Variants in CLUL1 observed in about 807,000 individuals in gnomAD.
The protein encoded by CLUL1 is clusterin like 1, also known as clusterin-like protein 1.
CLUL1 carries 43 observed loss-of-function variants against 49.4 expected under a neutral mutation model. The observed-to-expected ratio is 0.87, with a 90% CI of 0.68 to 1.12. The LOEUF (loss-of-function observed/expected upper bound fraction) is 1.12. Among genes scored for constraint, CLUL1 ranks in the 50% most tolerant of loss-of-function variants. The probability of loss-of-function intolerance (pLI) is 0.00; values close to 1 mark genes in which losing one functional copy is unlikely to be tolerated. For missense variants in CLUL1, 486 were observed against 544.4 expected (o/e 0.89, Z 1.07); for synonymous variants, 192 against 184.9 (o/e 1.04, Z -0.31).
At chr18:648,882 T>C (rs1382358235) in intron 9 of CLUL1, among the ~76,000 whole-genome samples, 1 of 152,134 alleles carries the variant, frequency 6.6e-6, no homozygotes, top group East Asian at 1.9e-4. Context: ...GGTCTCAAAC[T>C]CCTGGCCTCA....
chr18:614,224 T>G (rs961295008), intron 2 of CLUL1, among the ~76,000 whole-genome samples: 7 of 152,104 alleles, frequency 4.6e-5, no homozygotes, highest in African/African-American at 1.7e-4. Context: ...TTCTAAAATT[T>G]TGCTTATTAT....
At chr18:599,459 G>C (rs1451003935) in intron 1 of CLUL1, among the ~76,000 whole-genome samples, 1 of 152,096 alleles carries the variant, frequency 6.6e-6, no homozygotes, top group African/African-American at 2.4e-5. Flanking sequence ...AATAAAGATA[G>C]CTTTCATTAT....
intron 1 of CLUL1, among the ~76,000 whole-genome samples, chr18:600,959 T>A (rs2072811505): frequency 6.6e-6 from 1 of 152,176 alleles, no homozygotes; most frequent in African/African-American, 2.4e-5. Flanking sequence ...TGAGGGACAA[T>A]GGGTACTAAA....
At chr18:613,228 T>C (rs1029242279) in intron 2 of CLUL1, 6 of 465,126 alleles carry the variant, frequency 1.3e-5, no homozygotes, top group African/African-American at 2.0e-5. Context: ...AACCTCTACC[T>C]CCCAGGTTCA....
At chr18:642,578 C>G (rs1334692065) in intron 8 of CLUL1, among the ~76,000 whole-genome samples, 2 of 152,210 alleles carry the variant, frequency 1.3e-5, no homozygotes, top group Non-Finnish European at 2.9e-5. Flanking sequence ...TTACCTTAAT[C>G]TACAAATGCG....
intron 4 of CLUL1, among the ~76,000 whole-genome samples, chr18:622,563 C>T (rs1001151239): frequency 6.6e-6 from 1 of 152,148 alleles, no homozygotes; most frequent in Non-Finnish European, 1.5e-5. Context: ...CGGAAGGCGT[C>T]GATAGGATAT....
intron 1 of CLUL1, among the ~76,000 whole-genome samples, chr18:603,621 G>A (rs2168485): frequency 6.6e-6 from 1 of 152,070 alleles, no homozygotes; most frequent in Non-Finnish European, 1.5e-5. Flanking sequence ...ACAACCCATA[G>A]AGCTTATTCA....
At chr18:600,926 C>G (rs2143913721) in intron 1 of CLUL1, among the ~76,000 whole-genome samples, 1 of 152,138 alleles carries the variant, frequency 6.6e-6, no homozygotes, top group Middle Eastern at 3.4e-3. Context: ...CCCTGTTTAC[C>G]CAGGACTCAG....
chr18:604,291 C>T (rs2072910619), intron 1 of CLUL1, among the ~76,000 whole-genome samples: 1 of 152,212 alleles, frequency 6.6e-6, no homozygotes, highest in Non-Finnish European at 1.5e-5. Context: ...AGAGTTTATT[C>T]ATCACATTCA....
intron 8 of CLUL1, among the ~76,000 whole-genome samples, chr18:644,506 T>C (rs903565132): frequency 1.3e-5 from 2 of 152,172 alleles, no homozygotes; most frequent in African/African-American, 4.8e-5. Context: ...ATTTTCCAGC[T>C]CCCCTTGTGG....
At chr18:630,336 T>C (rs928014347) in intron 6 of CLUL1, among the ~76,000 whole-genome samples, 2 of 152,122 alleles carry the variant, frequency 1.3e-5, no homozygotes, top group Non-Finnish European at 2.9e-5. Context: ...CTCGAACTTC[T>C]GACCTCAAAT....
At chr18:613,507 T>G (rs965291402) in intron 2 of CLUL1, among the ~76,000 whole-genome samples, 2 of 148,792 alleles carry the variant, frequency 1.3e-5, no homozygotes, top group Non-Finnish European at 3.0e-5. Context: ...CAGGCTGGAG[T>G]GCAGTGACGC....
At chr18:624,744 C>A in intron 4 of CLUL1, 121 bp from the exon 5 acceptor site, 1 of 868,248 alleles carries the variant, frequency 1.2e-6, no homozygotes, top group Non-Finnish European at 1.8e-6. Flanking sequence ...AGCTGCGAGG[C>A]ACCTGAAGGA....
At chr18:614,488 T>G (rs1002781449) in intron 2 of CLUL1, 1 of 152,230 alleles carries the variant, frequency 6.6e-6, no homozygotes, top group Non-Finnish European at 1.5e-5. Flanking sequence ...TTATGCATAT[T>G]CTCCTCAACT....
chr18:633,308 C>T lies in CLUL1; in HGVS notation c.867C>T (p.His289=), dbSNP rs768361513. 19 of 1,612,150 alleles carry T rather than the reference C, an allele frequency of 1.2e-5. No individual in the cohort carries two copies. The highest frequency in any genetic ancestry group is 1.5e-5 in the Non-Finnish European group (18 of 1,178,972). The stretch of plus-strand genomic sequence containing the variant: ...TTATGTTCCCTGTAGCTCCTGACCA[C>T]GGAGGCCTGATTTCAAAGATGTTAC... ...DLPKQDKAPD[H]GGLISKMLPG... The change falls in exon 7 of 10, where the codon CAC becomes CAT. Residue 289 remains histidine, a synonymous_variant. Transcript: ENST00000692774.
At chr18:628,486 C>A (rs370340891) in intron 6 of CLUL1, among the ~76,000 whole-genome samples, 20 of 152,152 alleles carry the variant, frequency 1.3e-4, no homozygotes, top group East Asian at 1.2e-3. Flanking sequence ...AAGTTAGATA[C>A]CGCATTCGAG....
intron 8 of CLUL1, 66 bp downstream of exon 8, chr18:641,607 T>G: frequency 7.6e-7 from 1 of 1,315,754 alleles, no homozygotes; most frequent in Non-Finnish European, 1.1e-6. Flanking sequence ...ACTGTTAATT[T>G]ACTTATGAAT....
At chr18:614,489 C>G (rs1037323193) in intron 2 of CLUL1, 1 of 152,196 alleles carries the variant, frequency 6.6e-6, no homozygotes, top group African/African-American at 2.4e-5. Flanking sequence ...TATGCATATT[C>G]TCCTCAACTT....
intron 2 of CLUL1, 110 bp from the exon 3 acceptor site, chr18:617,878 A>G: frequency 1.2e-6 from 1 of 824,228 alleles, no homozygotes; most frequent in Non-Finnish European, 2.0e-6. Context: ...CTAAAGTCAT[A>G]AGGAAAAATT....
Sources: allele counts gnomAD v4.1 joint callset (sites outside exome capture counted in the v4.1 genomes callset), GRCh38; gene constraint gnomAD v4.1.1; transcripts MANE v1.5; gene names NCBI Gene and HGNC (gene_info 2026-07-23, HGNC 2026-07-21).